The following ZBTB20 variants were observed in gnomAD, a reference collection of about 807,000 sequenced individuals.
ZBTB20 encodes the protein zinc finger and BTB domain-containing protein 20.
A neutral mutation model predicts 56.9 loss-of-function variants in ZBTB20; 9 were observed. The ratio of observed to expected loss-of-function variants is 0.16; its 90% CI spans 0.10 to 0.28. The LOEUF is 0.28. Among genes scored for constraint, ZBTB20 ranks in the 10% least tolerant of loss-of-function variants. The probability of loss-of-function intolerance (pLI) is 1.00; values close to 1 mark genes in which losing one functional copy is unlikely to be tolerated. For missense variants in ZBTB20, 655 were observed against 1,003.0 expected (o/e 0.65, Z 4.69); for synonymous variants, 417 against 420.7 (o/e 0.99, Z 0.11).
intron 7 of ZBTB20, among the ~76,000 whole-genome samples, chr3:114,415,698 G>A (rs1240520223): frequency 6.6e-6 from 1 of 152,046 alleles, no homozygotes; most frequent in Non-Finnish European, 1.5e-5. Flanking sequence ...TTCTAATTTA[G>A]GGTTAAATGG....
At chr3:114,384,637 T>C (rs16822575) in intron 8 of ZBTB20, among the ~76,000 whole-genome samples, 1 of 152,008 alleles carries the variant, frequency 6.6e-6, no homozygotes, top group Non-Finnish European at 1.5e-5. Flanking sequence ...GAATTGGGAG[T>C]GTGTTTTAAG....
intron 7 of ZBTB20, among the ~76,000 whole-genome samples, chr3:114,407,894 C>A (rs921037086): frequency 6.8e-6 from 1 of 147,212 alleles, no homozygotes; most frequent in Non-Finnish European, 1.5e-5. Flanking sequence ...TGGGGGAAAC[C>A]AAATGTAACC....
chr3:115,053,965 A>G (rs1329277807), intron 2 of ZBTB20, among the ~76,000 whole-genome samples: 1 of 152,142 alleles, frequency 6.6e-6, no homozygotes. Context: ...TGTAATTCCT[A>G]TTAAATTGGG....
intron 3 of ZBTB20, among the ~76,000 whole-genome samples, chr3:114,956,416 A>G (rs1446911319): frequency 6.6e-6 from 1 of 152,218 alleles, no homozygotes; most frequent in African/African-American, 2.4e-5. Context: ...TTAAGACAGC[A>G]AGGTAGACAT....
At chr3:115,119,949 A>G (rs1394219652) in intron 1 of ZBTB20, among the ~76,000 whole-genome samples, 1 of 152,102 alleles carries the variant, frequency 6.6e-6, no homozygotes, top group Non-Finnish European at 1.5e-5. Context: ...TATGATTACA[A>G]CAATATGATA....
intron 6 of ZBTB20, among the ~76,000 whole-genome samples, chr3:114,602,716 C>G (rs1422944020): frequency 6.6e-6 from 1 of 151,904 alleles, no homozygotes; most frequent in African/African-American, 2.4e-5. Context: ...GGAAGGTAAG[C>G]ACATATTAAC....
At chr3:115,024,336 G>T (rs552399780) in intron 2 of ZBTB20, among the ~76,000 whole-genome samples, 1 of 151,110 alleles carries the variant, frequency 6.6e-6, no homozygotes, top group South Asian at 2.1e-4. Context: ...AACCTAGGTG[G>T]AGAGGGAGAA....
intron 2 of ZBTB20, among the ~76,000 whole-genome samples, chr3:115,012,271 G>A (rs1352366379): frequency 2.0e-5 from 3 of 151,628 alleles, no homozygotes; most frequent in Non-Finnish European, 3.0e-5. Flanking sequence ...ACACAAAGTG[G>A]ATGAATGAAC....
intron 6 of ZBTB20, among the ~76,000 whole-genome samples, chr3:114,502,043 A>C (rs954532420): frequency 6.6e-6 from 1 of 152,116 alleles, no homozygotes; most frequent in African/African-American, 2.4e-5. Context: ...TAGAAGGATA[A>C]AACTGAAGTA....
At chr3:114,758,753 A>C (rs1236952461) in intron 5 of ZBTB20, 1 of 152,168 alleles carries the variant, frequency 6.6e-6, no homozygotes, top group Non-Finnish European at 1.5e-5. Flanking sequence ...ACTGAAACTA[A>C]ATTTCCAACT....
intron 6 of ZBTB20, among the ~76,000 whole-genome samples, chr3:114,596,713 A>G (rs538241381): frequency 2.0e-5 from 3 of 152,308 alleles, no homozygotes; most frequent in African/African-American, 7.2e-5. Context: ...TGAAACTGAG[A>G]GAGAGGAAGA....
intron 2 of ZBTB20, among the ~76,000 whole-genome samples, chr3:115,012,205 T>C (rs540244050): frequency 2.3e-4 from 35 of 151,672 alleles, no homozygotes; most frequent in African/African-American, 8.0e-4. Context: ...CGGGAGTAAG[T>C]TCTTACTTAT....
chr3:114,956,790 T>C (rs915097543), intron 3 of ZBTB20, among the ~76,000 whole-genome samples: 18 of 152,170 alleles, frequency 1.2e-4, no homozygotes, highest in African/African-American at 4.3e-4. Flanking sequence ...AGGCCTAATA[T>C]ACCAAATCAT....
chr3:114,854,055 GGAGT>G (rs1378671985), intron 4 of ZBTB20, among the ~76,000 whole-genome samples: 1 of 152,064 alleles, frequency 6.6e-6, no homozygotes, highest in Non-Finnish European at 1.5e-5. Flanking sequence ...GAAATGTACT[GGAGT>G]GAGTAGTTCC....
intron 6 of ZBTB20, among the ~76,000 whole-genome samples, chr3:114,555,099 G>C (rs2051040172): frequency 6.6e-6 from 1 of 152,098 alleles, no homozygotes; most frequent in Non-Finnish European, 1.5e-5. Context: ...ACTTGAAGAA[G>C]CTAATTGTAT....
chr3:114,651,777 G>A (rs1178210676), intron 6 of ZBTB20, among the ~76,000 whole-genome samples: 1 of 151,964 alleles, frequency 6.6e-6, no homozygotes, highest in Non-Finnish European at 1.5e-5. Context: ...CCAAGCGTTC[G>A]ACTGTCCAAG....
chr3:114,561,572 T>C (rs952962965), intron 6 of ZBTB20, among the ~76,000 whole-genome samples: 2 of 152,158 alleles, frequency 1.3e-5, no homozygotes, highest in African/African-American at 4.8e-5. Context: ...CAGTAGTATG[T>C]TGAAAGAAAT....
chr3:115,029,385 C>A (rs1367550549), intron 2 of ZBTB20, among the ~76,000 whole-genome samples: 2 of 150,526 alleles, frequency 1.3e-5, no homozygotes, highest in African/African-American at 2.4e-5. Flanking sequence ...AATTCTAAAT[C>A]TCTTATAAAA....
In ZBTB20 at chr3:114,329,640, T is replaced by C. The variant is rs983780792; in HGVS notation, c.*9365A>G. 8.0e-5 allele frequency: 12 copies of C among 149,546 alleles called. No homozygotes were observed. Among genetic ancestry groups the C allele is most frequent in the African/African-American group, 2.7e-4 (11 of 40,456 alleles). The allele number at this position is 149,546 out of a possible 1,614,324, so 9.3% of individuals were successfully genotyped here. On this transcript the variant is annotated 3_prime_UTR_variant, in exon 12 of 12. Coordinates refer to ENST00000675478, the MANE Select transcript of ZBTB20 (RefSeq NM_001348800.3). ...GATTTAAAAATGTCTCAGATAGATA[T>C]TTCCAAATTCTATTTCTATTAGCCT...
Sources: gnomAD v4.1 joint callset for allele counts (sites outside exome capture counted in the v4.1 genomes callset) on GRCh38, gnomAD v4.1.1 for gene constraint, MANE v1.5 for transcripts, NCBI Gene and HGNC (gene_info 2026-07-23, HGNC 2026-07-21) for gene names.